TENM3: variants seen among roughly 807,000 people sequenced by gnomAD.
The protein encoded by TENM3 is teneurin-3.
In TENM3, 63 loss-of-function variants were observed where a neutral mutation model predicts 255.1. The observed-to-expected ratio is 0.25, with a 90% CI of 0.20 to 0.30. The LOEUF is 0.30. Ranked by LOEUF, TENM3 falls within the 10% of genes least tolerant of loss-of-function variation. TENM3 has a pLI of 1.00. For synonymous variants in TENM3, 1,306 were observed against 1,322.3 expected, an observed-to-expected ratio of 0.99 and a Z score of 0.27; for missense variants, 2,929 against 3,461.1, an observed-to-expected ratio of 0.85 and a Z score of 3.86.
At chr4:181,556,573 A>T in the TENM3 span, among the ~76,000 whole-genome samples, 2 of 152,124 alleles carry the variant, frequency 1.3e-5, no homozygotes, top group Admixed American at 1.3e-4. Flanking sequence ...TTTTTCTATT[A>T]CAACTAGTTT....
the TENM3 span, among the ~76,000 whole-genome samples, chr4:182,096,022 T>C: frequency 6.6e-6 from 1 of 151,324 alleles, no homozygotes; most frequent in South Asian, 2.1e-4. Context: ...CCCAGCTACT[T>C]GGGAGGCTGA....
At chr4:181,837,040 G>C in the TENM3 span, among the ~76,000 whole-genome samples, 1 of 151,920 alleles carries the variant, frequency 6.6e-6, no homozygotes, top group Non-Finnish European at 1.5e-5. Context: ...TTTATCTTCT[G>C]TTCAGAAGAA....
At chr4:182,047,772 C>T in the TENM3 span, among the ~76,000 whole-genome samples, 5,545 of 152,120 alleles carry the variant, frequency 0.036, 150 homozygotes, top group Middle Eastern at 0.071. Flanking sequence ...CATTCATCTG[C>T]TATGTATATG....
chr4:182,567,085 A>C (rs1743860773), intron 3 of TENM3, among the ~76,000 whole-genome samples: 1 of 152,218 alleles, frequency 6.6e-6, no homozygotes, highest in African/African-American at 2.4e-5. Context: ...AGAGGTAAAT[A>C]AAAGAGACAT....
chr4:182,555,649 C>G (rs185450472), intron 3 of TENM3, among the ~76,000 whole-genome samples: 1 of 152,200 alleles, frequency 6.6e-6, no homozygotes, highest in Admixed American at 6.5e-5. Context: ...AAGAAAGACT[C>G]AGTACATCAA....
chr4:181,470,082 T>C, the TENM3 span, among the ~76,000 whole-genome samples: 4,009 of 127,236 alleles, frequency 0.032, 311 homozygotes, highest in East Asian at 0.24. Flanking sequence ...GATTTGCTAA[T>C]TGAGAAAAAT....
chr4:182,073,671 G>A, the TENM3 span, among the ~76,000 whole-genome samples: 1 of 152,048 alleles, frequency 6.6e-6, no homozygotes, highest in Admixed American at 6.6e-5. Flanking sequence ...CAAAAAATAG[G>A]GACCTTAGTC....
At chr4:181,644,078 A>G in the TENM3 span, among the ~76,000 whole-genome samples, 1 of 148,082 alleles carries the variant, frequency 6.8e-6, no homozygotes, top group African/African-American at 2.6e-5. Context: ...TCCATCTCAA[A>G]AAAAAAAAAA....
the TENM3 span, among the ~76,000 whole-genome samples, chr4:182,014,819 G>A: frequency 6.6e-6 from 1 of 152,050 alleles, no homozygotes; most frequent in South Asian, 2.1e-4. Flanking sequence ...GCATGCCCTG[G>A]GACCAAGGAC....
chr4:182,049,214 CA>C, the TENM3 span, among the ~76,000 whole-genome samples: 1 of 152,104 alleles, frequency 6.6e-6, no homozygotes, highest in Non-Finnish European at 1.5e-5. Flanking sequence ...ACTTCGTGAA[CA>C]AAAGTTCTTT....
At chr4:182,436,108 T>C (rs1301252595) in intron 3 of TENM3, among the ~76,000 whole-genome samples, 1 of 152,166 alleles carries the variant, frequency 6.6e-6, no homozygotes, top group East Asian at 1.9e-4. Context: ...GGACTCTCAT[T>C]TTCTATTGAC....
At chr4:182,069,439 A>C in the TENM3 span, among the ~76,000 whole-genome samples, 2 of 152,156 alleles carry the variant, frequency 1.3e-5, no homozygotes, top group Non-Finnish European at 2.9e-5. Flanking sequence ...CTTGATCAGA[A>C]CCAAATTTCC....
At chr4:181,716,183 A>G in the TENM3 span, among the ~76,000 whole-genome samples, 1 of 152,346 alleles carries the variant, frequency 6.6e-6, no homozygotes, top group South Asian at 2.1e-4. Flanking sequence ...ATCATTAGAA[A>G]TATAATCTTA....
At chr4:182,736,454 G>A (rs1761171703) in intron 16 of TENM3, among the ~76,000 whole-genome samples, 1 of 152,212 alleles carries the variant, frequency 6.6e-6, no homozygotes, top group East Asian at 1.9e-4. Flanking sequence ...GTGCATGTCA[G>A]CCTGATGGAG....
At chr4:181,829,999 C>G in the TENM3 span, 8 of 152,218 alleles carry the variant, frequency 5.3e-5, no homozygotes, top group Non-Finnish European at 1.0e-4. Flanking sequence ...TTCTGGGGTC[C>G]CTGGAGACCA....
chr4:181,954,653 T>C, the TENM3 span, among the ~76,000 whole-genome samples: 1 of 152,188 alleles, frequency 6.6e-6, no homozygotes, highest in African/African-American at 2.4e-5. Context: ...ATATTCTGAT[T>C]CTAGATCTTG....
chr4:182,680,444 G>T, intron 9 of TENM3, 95 bp downstream of exon 9: 2 of 1,413,844 alleles, frequency 1.4e-6, no homozygotes, highest in African/African-American at 1.4e-5. Context: ...GAAAGGGGGG[G>T]GGAGACTGGC....
At chr4:182,558,901 A>G (rs1742840901) in intron 3 of TENM3, among the ~76,000 whole-genome samples, 2 of 152,232 alleles carry the variant, frequency 1.3e-5, no homozygotes. Context: ...ATCCTATCCA[A>G]AATTATGATG....
intron 3 of TENM3, among the ~76,000 whole-genome samples, chr4:182,516,798 G>C (rs1351260668): frequency 6.6e-6 from 1 of 151,982 alleles, no homozygotes; most frequent in Non-Finnish European, 1.5e-5. Flanking sequence ...GGCTGAGACA[G>C]GAGAATCGCT....
Sources: gnomAD v4.1 joint callset for allele counts (sites outside exome capture counted in the v4.1 genomes callset) on GRCh38, gnomAD v4.1.1 for gene constraint, MANE v1.5 for transcripts, NCBI Gene and HGNC (gene_info 2026-07-23, HGNC 2026-07-21) for gene names.